Variants in TTLL3 observed in about 807,000 individuals in gnomAD.
The protein encoded by TTLL3 is tubulin monoglycylase TTLL3.
TTLL3 carries 63 observed loss-of-function variants against 75.2 expected under a neutral mutation model. The ratio of observed to expected loss-of-function variants is 0.84; its 90% CI spans 0.68 to 1.03. The LOEUF (loss-of-function observed/expected upper bound fraction) is 1.03. Ranked by LOEUF, TTLL3 falls within the 50% of genes least tolerant of loss-of-function variation. The probability of loss-of-function intolerance (pLI) is 0.00; values close to 1 mark genes in which losing one functional copy is unlikely to be tolerated. For missense variants in TTLL3, 997 were observed against 1,069.9 expected, an observed-to-expected ratio of 0.93 and a Z score of 0.95; for synonymous variants, 393 against 418.5, an observed-to-expected ratio of 0.94 and a Z score of 0.74.
intron 8 of TTLL3, among the ~76,000 whole-genome samples, chr3:9,823,534 G>A (rs774993822): frequency 4.1e-5 from 6 of 147,914 alleles, no homozygotes; most frequent in South Asian, 2.1e-4. Flanking sequence ...TTGTCATGTC[G>A]AATATACTTT....
chr3:9,833,397 G>T, intron 12 of TTLL3, 152 bp downstream of exon 12: 2 of 1,229,212 alleles, frequency 1.6e-6, no homozygotes, highest in Non-Finnish European at 2.2e-6. Context: ...CCACAGCCCT[G>T]GTCTGCCCCA....
At chr3:9,815,195 C>T (rs2079723248) in intron 4 of TTLL3, among the ~76,000 whole-genome samples, 1 of 150,296 alleles carries the variant, frequency 6.7e-6, no homozygotes, top group South Asian at 2.1e-4. Context: ...GAGCCAAGAT[C>T]ACGCCACTGC....
At chr3:9,825,614 T>G in intron 8 of TTLL3, 186 bp from the exon 9 acceptor site, 1 of 1,009,514 alleles carries the variant, frequency 9.9e-7, no homozygotes, top group Non-Finnish European at 1.5e-6. Context: ...TCTGGGCAGG[T>G]TAGGATTTCC....
intron 11 of TTLL3, 114 bp from the exon 12 acceptor site, chr3:9,832,990 C>T (rs2081708942): frequency 7.4e-7 from 1 of 1,344,246 alleles, no homozygotes; most frequent in African/African-American, 1.4e-5. Flanking sequence ...AGAAACGCCT[C>T]TTTGACCAGG....
intron 11 of TTLL3, among the ~76,000 whole-genome samples, chr3:9,831,258 C>T (rs758265478): frequency 3.3e-5 from 5 of 152,068 alleles, no homozygotes; most frequent in Admixed American, 6.6e-5. Context: ...AGGGGCCAGG[C>T]GGGTTGTTTT....
chr3:9,811,888 A>T lies in TTLL3; in HGVS notation c.49-1055A>T, dbSNP rs528952169. On this transcript the variant is annotated intron_variant, in intron 2 of 13. Coordinates refer to ENST00000685419, the MANE Select transcript of TTLL3 (RefSeq NM_001387446.1). ...TCTGTACATTCATGGCTTCCTTTCA[A>T]CCTTCCCTGACCATGTATTTCTAAG... Among the ~76,000 whole-genome samples the T allele has an allele frequency of 3.9e-5, 6 of 151,958 alleles. No individual in the cohort carries two copies. In the East Asian group the frequency reaches 1.2e-3, roughly 29 times the overall value.
Position 9,834,577 on chromosome 3 carries a change from C to T in TTLL3, c.1826-104C>T, listed in dbSNP as rs1052274961. ...ACCGGGAGGGCTCCGTCGGCCTTCA[C>T]CCCATTCCCTCCATATCCCCCCATC... On this transcript the variant is annotated intron_variant, in intron 12 of 13. Transcript: ENST00000685419. The T allele has an allele frequency of 5.2e-6, 8 of 1,542,460 alleles. No homozygotes were observed. In the East Asian group the frequency reaches 1.4e-4, roughly 28 times the overall value.
intron 11 of TTLL3, among the ~76,000 whole-genome samples, chr3:9,830,808 ATCT>A (rs2081447041): frequency 6.6e-6 from 1 of 151,704 alleles, no homozygotes; most frequent in Non-Finnish European, 1.5e-5. Flanking sequence ...CCCCCCAAAT[ATCT>A]TTTTTTTTTG....
In TTLL3 at chr3:9,816,523, C is replaced by CTTTT. The variant is rs71052206; in HGVS notation, c.444+329_444+332dup. Among the ~76,000 whole-genome samples the CTTTT allele has an allele frequency of 5.8e-5, 6 of 103,992 alleles. 1 individual carries two copies. The highest frequency in any genetic ancestry group is 7.3e-5 in the African/African-American group (2 of 27,328). 68.2% of individuals were successfully genotyped at this position (103,992 alleles called of 152,430 possible). A position where few individuals can be genotyped will look rare whatever the true frequency, so the allele number is the denominator to read the frequency against. On this transcript the variant is annotated intron_variant, in intron 5 of 13. Coordinates refer to ENST00000685419, the MANE Select transcript of TTLL3 (RefSeq NM_001387446.1). ...GACCCATTCTGTCTTACCTGGGTTT[C>CTTTT]TTTTTTTTTTTGAGACAGAGTCTTG... is the stretch of plus-strand genomic sequence containing the variant.
chr3:9,822,701 A>T (rs1398297238), intron 8 of TTLL3, among the ~76,000 whole-genome samples: 1 of 146,272 alleles, frequency 6.8e-6, no homozygotes, highest in Non-Finnish European at 1.5e-5. Context: ...TTTTTGTGTG[A>T]TATACATATA....
Position 9,810,457 on chromosome 3 carries a change from G to A in TTLL3, c.-42+63G>A. 2 of 1,437,404 alleles carry A rather than the reference G, an allele frequency of 1.4e-6. No individual in the cohort carries two copies. Among genetic ancestry groups the A allele is most frequent in the Non-Finnish European group, 1.8e-6 (2 of 1,099,194 alleles). 89.0% of individuals were successfully genotyped at this position (1,437,404 alleles called of 1,614,324 possible). On this transcript the variant is annotated intron_variant, in intron 1 of 13. Coordinates refer to ENST00000685419, the MANE Select transcript of TTLL3 (RefSeq NM_001387446.1). The surrounding 1 kb of genome is among the most constrained non-coding windows in gnomAD (Gnocchi z 4.4). Reference sequence around the variant, plus strand: ...GGCTGCGAGGACGACAAGACGCTGGGGTGGAGGGACTGGGGGTCGGGAGAA... The same window carrying A: ...GGCTGCGAGGACGACAAGACGCTGGAGTGGAGGGACTGGGGGTCGGGAGAA...
chr3:9,827,630 C>T (rs1013015263), intron 10 of TTLL3: 9 of 239,996 alleles, frequency 3.8e-5, no homozygotes, highest in Non-Finnish European at 7.5e-5. Flanking sequence ...AACTCCTGGG[C>T]TCAAGCGATC....
chr3:9,819,446 G>A (rs1264649781), intron 7 of TTLL3: 12 of 970,608 alleles, frequency 1.2e-5, no homozygotes, highest in Non-Finnish European at 1.5e-5. Context: ...GCATGTAGCC[G>A]AGCACCCTGG....
At chr3:9,832,986 G>A (rs7622954) in intron 11 of TTLL3, 118 bp from the exon 12 acceptor site, 815,873 of 1,245,404 alleles carry the variant, frequency 0.66, 277,093 homozygotes, top group Non-Finnish European at 0.7. Flanking sequence ...GCTCAGAAAC[G>A]CCTCTTTGAC....
In TTLL3 at chr3:9,825,896, A is replaced by G; in HGVS notation, c.951A>G (p.Glu317=). 6.2e-7 allele frequency: 1 copy of G among 1,614,170 alleles called. No individual in the cohort carries two copies. The highest frequency in any genetic ancestry group is 8.5e-7 in the Non-Finnish European group (1 of 1,180,016). The change falls in exon 9 of 14, where the codon GAA becomes GAG. Residue 317 remains glutamate (E), a synonymous_variant. Transcript: ENST00000685419. ...LQAVVPQIDM[E]GDRNIWIVKP... ...CCGTGGTACCCCAGATAGACATGGA[A>G]GGGGATCGCAACATCTGGATCGTGA...
At chr3:9,815,241 CAA>C (rs55895905) in intron 4 of TTLL3, among the ~76,000 whole-genome samples, 50 of 140,640 alleles carry the variant, frequency 3.6e-4, no homozygotes, top group Admixed American at 5.0e-4. Context: ...GACTCCATCT[CAA>C]AAAAAAAAAA....
chr3:9,833,765 C>T (rs914002331), intron 12 of TTLL3, among the ~76,000 whole-genome samples: 7 of 152,034 alleles, frequency 4.6e-5, no homozygotes, highest in African/African-American at 7.3e-5. Context: ...CGCTTGAGCC[C>T]GGGAGGTTAA....
At chr3:9,835,044 C>A (rs776426498) in intron 13 of TTLL3, 50 bp from the exon 14 acceptor site, 1 of 1,587,892 alleles carries the variant, frequency 6.3e-7, no homozygotes, top group Non-Finnish European at 8.6e-7. Context: ...AAGCCCCTTC[C>A]TCCACAGACT....
intron 11 of TTLL3, among the ~76,000 whole-genome samples, chr3:9,830,811 T>C (rs1223004856): frequency 1.3e-5 from 2 of 149,892 alleles, no homozygotes; most frequent in East Asian, 2.0e-4. Context: ...CCCAAATATC[T>C]TTTTTTTTTG....
Sources: gnomAD v4.1 joint callset for allele counts (sites outside exome capture counted in the v4.1 genomes callset) on GRCh38, gnomAD v4.1.1 for gene constraint, Gnocchi (gnomAD v3.1) non-coding constraint, MANE v1.5 for transcripts, NCBI Gene and HGNC (gene_info 2026-07-23, HGNC 2026-07-21) for gene names.